Variants in COL24A1 observed in about 807,000 individuals in gnomAD.
COL24A1 encodes collagen type XXIV alpha 1 chain, also known as collagen alpha-1(XXIV) chain.
COL24A1 carries 224 observed loss-of-function variants against 253.9 expected under a neutral mutation model. The ratio of observed to expected loss-of-function variants is 0.88; its 90% CI spans 0.79 to 0.99. The LOEUF is 0.99. Among genes scored for constraint, COL24A1 ranks in the 50% least tolerant of loss-of-function variants. The pLI, the probability that COL24A1 is intolerant of heterozygous loss-of-function variation, is 0.00. For synonymous variants in COL24A1, 685 were observed against 673.7 expected, an observed-to-expected ratio of 1.02 and a Z score of -0.26; for missense variants, 2,131 against 2,068.5, an observed-to-expected ratio of 1.03 and a Z score of -0.59.
intron 3 of COL24A1, among the ~76,000 whole-genome samples, chr1:86,123,956 T>C (rs1267043529): frequency 1.3e-5 from 2 of 151,908 alleles, no homozygotes; most frequent in African/African-American, 4.8e-5. Context: ...ATAAATACTT[T>C]AAGATATATT....
At chr1:86,006,488 C>T (rs1695972426) in intron 19 of COL24A1, among the ~76,000 whole-genome samples, 1 of 152,166 alleles carries the variant, frequency 6.6e-6, no homozygotes, top group African/African-American at 2.4e-5. Context: ...AGACACAGAC[C>T]TTACACCTGT....
chr1:86,139,139 T>A (rs918423529), intron 2 of COL24A1, among the ~76,000 whole-genome samples: 4 of 139,138 alleles, frequency 2.9e-5, no homozygotes, highest in Non-Finnish European at 4.6e-5. Context: ...GATGTTGTTA[T>A]CACAAGTTAG....
At chr1:85,892,028 G>A (rs1444157648) in intron 31 of COL24A1, among the ~76,000 whole-genome samples, 2 of 152,090 alleles carry the variant, frequency 1.3e-5, no homozygotes, top group Admixed American at 6.6e-5. Flanking sequence ...ATTAGAGCCT[G>A]TGCCAGGAAC....
rs556301687 is a variant in COL24A1, at chr1:86,029,157, A to C, written c.2049+2721T>G. ...CCTATTCTAAGTTCTCAGGAAAAAAAAAAACATCACACAGAGTTTCTCAGA... is the reference window on the plus strand; with the variant it reads ...CCTATTCTAAGTTCTCAGGAAAAAACAAAACATCACACAGAGTTTCTCAGA... On this transcript the variant is annotated intron_variant, in intron 14 of 59. Transcript: ENST00000370571. 4.6e-5 allele frequency among the ~76,000 whole-genome samples: 7 copies of C among 151,844 alleles called. No individual in the cohort carries two copies. In the East Asian group the frequency reaches 1.4e-3, roughly 29 times the overall value.
At chr1:85,844,015 G>GA (rs1439455977) in intron 39 of COL24A1, among the ~76,000 whole-genome samples, 6 of 150,048 alleles carry the variant, frequency 4.0e-5, no homozygotes, top group East Asian at 1.9e-4. Flanking sequence ...CAAATAGCAA[G>GA]AAAAAAAACA....
chr1:85,902,779 T>A (rs1023302983), intron 28 of COL24A1, among the ~76,000 whole-genome samples: 1 of 151,992 alleles, frequency 6.6e-6, no homozygotes, highest in Non-Finnish European at 1.5e-5. Context: ...GAGAGGGAGA[T>A]AAAGGGAGGT....
chr1:85,761,428 A>T lies in COL24A1; in HGVS notation c.4411-6T>A. ...CCTGGTGCTCCAGGTGGACCCTAGAACACAGCAAATTAAAAAAAATACACA... is the reference window on the plus strand; with the variant it reads ...CCTGGTGCTCCAGGTGGACCCTAGATCACAGCAAATTAAAAAAAATACACA... On this transcript the variant is annotated splice_region_variant and splice_polypyrimidine_tract_variant and intron_variant, in intron 54 of 59. Transcript: ENST00000370571. 6.2e-7 allele frequency: 1 copy of T among 1,614,142 alleles called. No homozygotes were observed. Among genetic ancestry groups the T allele is most frequent in the Non-Finnish European group, 8.5e-7 (1 of 1,179,994 alleles).
chr1:85,777,903 T>G (rs1668720326), intron 52 of COL24A1, among the ~76,000 whole-genome samples: 1 of 152,148 alleles, frequency 6.6e-6, no homozygotes, highest in Non-Finnish European at 1.5e-5. Flanking sequence ...AGTTGAACTT[T>G]TGGATTTGTT....
At chr1:85,771,003 A>T (rs987656554) in intron 53 of COL24A1, among the ~76,000 whole-genome samples, 2 of 152,184 alleles carry the variant, frequency 1.3e-5, no homozygotes, top group African/African-American at 4.8e-5. Flanking sequence ...GGCAAGGCAA[A>T]TAATCCATTT....
chr1:86,048,639 C>T (rs1356700539), intron 11 of COL24A1, among the ~76,000 whole-genome samples: 1 of 152,048 alleles, frequency 6.6e-6, no homozygotes, highest in Non-Finnish European at 1.5e-5. Flanking sequence ...TACAGGCGCC[C>T]ACCACCAGGC....
chr1:86,112,002 G>A (rs1007188689), intron 5 of COL24A1, among the ~76,000 whole-genome samples: 26 of 152,158 alleles, frequency 1.7e-4, no homozygotes, highest in Non-Finnish European at 3.5e-4. Context: ...GCGAGGGTCC[G>A]TGGCTTCATT....
At chr1:85,945,020 T>TGTTTG (rs1571320577) in intron 24 of COL24A1, among the ~76,000 whole-genome samples, 1 of 91,622 alleles carries the variant, frequency 1.1e-5, no homozygotes, top group Non-Finnish European at 2.2e-5. Context: ...TTTTTTTTTT[T>TGTTTG]TTTTTTTTTT....
intron 19 of COL24A1, among the ~76,000 whole-genome samples, chr1:86,000,495 C>T (rs185980092): frequency 2.6e-4 from 40 of 152,202 alleles, no homozygotes; most frequent in African/African-American, 8.9e-4. Flanking sequence ...ATTTCTCATC[C>T]AAATCCAAGT....
intron 7 of COL24A1, among the ~76,000 whole-genome samples, chr1:86,081,040 C>T (rs1019176760): frequency 3.3e-5 from 5 of 151,518 alleles, no homozygotes; most frequent in Non-Finnish European, 5.9e-5. Context: ...TATAGTTGCA[C>T]GGGGAAATAA....
At chr1:86,033,759 T>G in intron 13 of COL24A1, 111 bp downstream of exon 13, 1 of 977,368 alleles carries the variant, frequency 1.0e-6, no homozygotes, top group South Asian at 1.7e-5. Context: ...GTGTGGAGAT[T>G]GTTTTTCCAA....
In COL24A1 at chr1:85,953,628, T is replaced by C. The variant is rs574599884; in HGVS notation, c.2562+7621A>G. Among the ~76,000 whole-genome samples the C allele has an allele frequency of 2.2e-4, 33 of 152,336 alleles. 1 individual carries two copies. In the South Asian group the frequency reaches 6.8e-3, roughly 32 times the overall value. On this transcript the variant is annotated intron_variant, in intron 24 of 59. Coordinates refer to ENST00000370571, the MANE Select transcript of COL24A1 (RefSeq NM_152890.7). ...AAATACTAGTTTTTAACTGTATCTT[T>C]CTTTTGTTTGGCTATAAAAATCACA...
chr1:86,057,899 T>G (rs202049051), intron 10 of COL24A1, 32 bp downstream of exon 10: 1 of 1,600,528 alleles, frequency 6.2e-7, no homozygotes, highest in South Asian at 1.1e-5. Flanking sequence ...TAGGCAAGCA[T>G]GCTTAACAGA....
At chr1:85,809,772 T>C (rs1436399250) in intron 47 of COL24A1, among the ~76,000 whole-genome samples, 1 of 147,248 alleles carries the variant, frequency 6.8e-6, no homozygotes, top group African/African-American at 2.5e-5. Flanking sequence ...CACACACACA[T>C]ATATATAGTA....
intron 18 of COL24A1, among the ~76,000 whole-genome samples, chr1:86,018,584 T>C (rs1030207161): frequency 1.3e-5 from 2 of 152,238 alleles, no homozygotes; most frequent in African/African-American, 4.8e-5. Flanking sequence ...GAAAAGCTGA[T>C]TGACAATCAC....
Sources: gnomAD v4.1 joint callset for allele counts (sites outside exome capture counted in the v4.1 genomes callset) on GRCh38, gnomAD v4.1.1 for gene constraint, MANE v1.5 for transcripts, NCBI Gene and HGNC (gene_info 2026-07-23, HGNC 2026-07-21) for gene names.